The following MARCHF10 variants were observed in gnomAD, a reference collection of about 807,000 sequenced individuals.
MARCHF10 encodes membrane associated ring-CH-type finger 10, also known as probable E3 ubiquitin-protein ligase MARCHF10.
A neutral mutation model predicts 76.2 loss-of-function variants in MARCHF10; 64 were observed. The observed-to-expected ratio is 0.84, with a 90% CI of 0.69 to 1.03. The LOEUF is 1.03. Ranked by LOEUF, MARCHF10 falls within the 50% of genes least tolerant of loss-of-function variation. The pLI is 0.00. For synonymous variants in MARCHF10, 340 were observed against 357.5 expected (o/e 0.95, Z 0.55); for missense variants, 875 against 958.0 (o/e 0.91, Z 1.14).
At chr17:62,745,310 G>T (rs1411554763) in intron 4 of MARCHF10, among the ~76,000 whole-genome samples, 1 of 151,934 alleles carries the variant, frequency 6.6e-6, no homozygotes, top group Non-Finnish European at 1.5e-5. Context: ...CACCATGTTG[G>T]CCATGCTGGT....
intron 6 of MARCHF10, among the ~76,000 whole-genome samples, chr17:62,730,916 C>CAACAAT (rs397707751): frequency 6.6e-6 from 1 of 151,680 alleles, no homozygotes; most frequent in Non-Finnish European, 1.5e-5. Flanking sequence ...ACAACAACAA[C>CAACAAT]GACAACAACA....
At chr17:62,703,735 C>A (rs746586167) in intron 10 of MARCHF10, among the ~76,000 whole-genome samples, 1 of 152,238 alleles carries the variant, frequency 6.6e-6, no homozygotes. Context: ...TCTGTGGGAC[C>A]ATTTGCCTCG....
chr17:62,785,562 A>C (rs983261509), intron 3 of MARCHF10, among the ~76,000 whole-genome samples: 6 of 152,272 alleles, frequency 3.9e-5, no homozygotes, highest in Admixed American at 3.9e-4. Context: ...TGCACAGCAA[A>C]AGAAACTACC....
At chr17:62,732,406 T>C (rs1568125658) in intron 6 of MARCHF10, among the ~76,000 whole-genome samples, 1 of 152,046 alleles carries the variant, frequency 6.6e-6, no homozygotes, top group Admixed American at 6.6e-5. Context: ...TGCAACAGAA[T>C]AGAGAGCCCT....
intron 3 of MARCHF10, among the ~76,000 whole-genome samples, chr17:62,786,753 T>C: frequency 6.6e-6 from 1 of 152,312 alleles, no homozygotes; most frequent in East Asian, 1.9e-4. Context: ...GCTTGTTCCA[T>C]AAGCTTAAGT....
intron 8 of MARCHF10, among the ~76,000 whole-genome samples, chr17:62,715,818 G>A (rs577554933): frequency 6.6e-6 from 1 of 152,150 alleles, no homozygotes; most frequent in Non-Finnish European, 1.5e-5. Flanking sequence ...AGAATAATCC[G>A]AGTTCAGTGC....
rs575306000 is a variant in MARCHF10 at position 62,745,430 on chromosome 17, C to G, written c.383-902G>C. Among the ~76,000 whole-genome samples the G allele has an allele frequency of 1.8e-4, 28 of 152,270 alleles. 1 individual carries two copies. In the South Asian group the frequency reaches 5.6e-3, roughly 30 times the overall value. On this transcript the variant is annotated intron_variant, in intron 4 of 10. Coordinates refer to ENST00000311269, the MANE Select transcript of MARCHF10 (RefSeq NM_152598.4). ...TGCTAAGAAGTTTCTAGGTTCCAAT[C>G]CATAGGTGTTGGGATATGCCCGCTA...
intron 1 of MARCHF10, among the ~76,000 whole-genome samples, chr17:62,804,096 C>T (rs62075206): frequency 0.044 from 6,718 of 152,208 alleles, 172 homozygotes; most frequent in Middle Eastern, 0.1. Flanking sequence ...TCAGGGCTTG[C>T]GATTATATGA....
intron 3 of MARCHF10, among the ~76,000 whole-genome samples, chr17:62,772,101 T>C (rs901141428): frequency 1.3e-5 from 2 of 152,166 alleles, no homozygotes; most frequent in African/African-American, 4.8e-5. Context: ...TGATGCATAA[T>C]ATGGTTTGGC....
chr17:62,763,073 G>C (rs1284868456), intron 3 of MARCHF10, among the ~76,000 whole-genome samples: 1 of 152,156 alleles, frequency 6.6e-6, no homozygotes, highest in Non-Finnish European at 1.5e-5. Flanking sequence ...CCTTTTGGTG[G>C]TTTTGTGAGG....
chr17:62,779,830 C>T (rs2092623877), intron 3 of MARCHF10, among the ~76,000 whole-genome samples: 1 of 152,230 alleles, frequency 6.6e-6, no homozygotes, highest in Non-Finnish European at 1.5e-5. Context: ...AGTGCAGTGG[C>T]TCACACCCGT....
intron 8 of MARCHF10, among the ~76,000 whole-genome samples, chr17:62,718,055 G>A (rs1307265798): frequency 6.6e-6 from 1 of 152,162 alleles, no homozygotes; most frequent in Non-Finnish European, 1.5e-5. Flanking sequence ...CGTCTCTGTG[G>A]CTGTAATCTG....
intron 3 of MARCHF10, among the ~76,000 whole-genome samples, chr17:62,782,637 G>C (rs986298050): frequency 1.3e-5 from 2 of 152,010 alleles, no homozygotes; most frequent in Non-Finnish European, 2.9e-5. Context: ...GAGCTACCGC[G>C]CCTGGCCAAA....
Position 62,704,862 on chromosome 17 carries a change from G to A in MARCHF10, c.2371+677C>T, listed in dbSNP as rs1435523102. ...TGTCACACACCGCTGGATTCACTGCGGTGTTGATTCTGCCTCCTGATGAAG... is the reference window on the plus strand; with the variant it reads ...TGTCACACACCGCTGGATTCACTGCAGTGTTGATTCTGCCTCCTGATGAAG... On this transcript the variant is annotated intron_variant, in intron 10 of 10. Transcript: ENST00000311269. 3 of 881,722 alleles carry A rather than the reference G, an allele frequency of 3.4e-6. No homozygotes were observed. The African/African-American group carries it at 5.4e-5, about 16-fold the overall frequency. 54.6% of individuals were successfully genotyped at this position (881,722 alleles called of 1,614,324 possible).
chr17:62,798,442 TAAAAA>T (rs76893795), intron 2 of MARCHF10, among the ~76,000 whole-genome samples: 1 of 86,422 alleles, frequency 1.2e-5, no homozygotes, highest in Non-Finnish European at 2.5e-5. Flanking sequence ...TGGGAAACAT[TAAAAA>T]AAAAAAAAAA....
intron 2 of MARCHF10, among the ~76,000 whole-genome samples, chr17:62,790,466 A>G (rs114809456): frequency 0.027 from 4,160 of 152,324 alleles, 70 homozygotes; most frequent in East Asian, 0.059. Flanking sequence ...ATGAGCCGCC[A>G]CACCCAGCCC....
chr17:62,727,444 G>T (rs1387717895), intron 6 of MARCHF10, among the ~76,000 whole-genome samples: 2 of 152,092 alleles, frequency 1.3e-5, no homozygotes, highest in East Asian at 3.9e-4. Context: ...CGAGGCAGGA[G>T]GATGGCTTGA....
chr17:62,795,173 G>A (rs2092962765), intron 2 of MARCHF10: 1 of 301,860 alleles, frequency 3.3e-6, no homozygotes, highest in Non-Finnish European at 4.9e-6. Context: ...TGTATATTGA[G>A]ATATTTAGTT....
Position 62,737,202 on chromosome 17 carries a change from G to C in MARCHF10, c.666C>G (p.Asp222Glu). 6.2e-7 allele frequency: 1 copy of C among 1,613,998 alleles called. No individual in the cohort carries two copies. The highest frequency in any genetic ancestry group is 1.7e-5 in the Admixed American group (1 of 60,008). Residue 222 changes from aspartate to glutamate, a missense_variant, in exon 6 of 11, where the codon GAC becomes GAG. Coordinates refer to ENST00000311269, the MANE Select transcript of MARCHF10 (RefSeq NM_152598.4). Reference protein sequence around the residue: ...ENAPDRAKKGDPSAPSQSELH... With the variant: ...ENAPDRAKKGEPSAPSQSELH... ...GCTCACTCTGGGAAGGAGCACTCGG[G>C]TCTCCTTTTTTGGCTCTATCAGGGG...
Sources: allele counts gnomAD v4.1 joint callset (sites outside exome capture counted in the v4.1 genomes callset), GRCh38; gene constraint gnomAD v4.1.1; transcripts MANE v1.5; gene names NCBI Gene and HGNC (gene_info 2026-07-23, HGNC 2026-07-21).